MCTP1: variants seen among roughly 807,000 people sequenced by gnomAD.
The protein encoded by MCTP1 is multiple C2 and transmembrane domain containing 1.
MCTP1 carries 69 observed loss-of-function variants against 120.6 expected under a neutral mutation model. That is an observed-to-expected ratio of 0.57 (90% confidence interval 0.47 to 0.70). The LOEUF (loss-of-function observed/expected upper bound fraction) is 0.70. Among genes scored for constraint, MCTP1 ranks in the 30% least tolerant of loss-of-function variants. The pLI, the probability that MCTP1 is intolerant of heterozygous loss-of-function variation, is 0.00. For missense variants in MCTP1, 1,203 were observed against 1,248.8 expected (o/e 0.96, Z 0.55); for synonymous variants, 529 against 493.1 (o/e 1.07, Z -0.96).
At chr5:94,856,912 G>C (rs1794821946) in intron 17 of MCTP1, among the ~76,000 whole-genome samples, 1 of 151,552 alleles carries the variant, frequency 6.6e-6, no homozygotes, top group African/African-American at 2.4e-5. Flanking sequence ...AATATAACTA[G>C]TCCCTTAAAA....
chr5:95,162,073 T>C (rs1745802340), intron 1 of MCTP1, among the ~76,000 whole-genome samples: 1 of 152,148 alleles, frequency 6.6e-6, no homozygotes, highest in South Asian at 2.1e-4. Flanking sequence ...CATCAGTATG[T>C]AGGTAATTTG....
intron 2 of MCTP1, among the ~76,000 whole-genome samples, chr5:94,983,653 GTCT>G (rs1829903423): frequency 2.3e-5 from 2 of 87,462 alleles, no homozygotes; most frequent in Admixed American, 1.4e-4. Context: ...CTGTCTGTCT[GTCT>G]GTCTGTCTGT....
chr5:95,167,669 G>A (rs891116995), intron 1 of MCTP1, among the ~76,000 whole-genome samples: 1 of 152,190 alleles, frequency 6.6e-6, no homozygotes, highest in African/African-American at 2.4e-5. Context: ...GTGATGATGA[G>A]CATTTTTTCA....
intron 2 of MCTP1, among the ~76,000 whole-genome samples, chr5:95,005,391 G>C (rs1376094694): frequency 6.7e-6 from 1 of 149,412 alleles, no homozygotes; most frequent in Non-Finnish European, 1.5e-5. Context: ...AGACATGATT[G>C]TGTTTTAAAA....
At position 95,269,731 on chromosome 5, in the gene MCTP1, C is replaced by A. The variant is rs190362630; in HGVS notation, c.720+14125G>T. On this transcript the variant is annotated intron_variant, in intron 1 of 22. Coordinates refer to ENST00000515393, the MANE Select transcript of MCTP1 (RefSeq NM_024717.7). ...AGCCTGGAAATTATGGCCTTGGTAG[C>A]AATCAGATGTCTGTCAATATCTAGC... 6.1e-4 allele frequency among the ~76,000 whole-genome samples: 93 copies of A among 152,310 alleles called. 1 individual carries two copies. Among genetic ancestry groups the A allele is most frequent in the African/African-American group, 2.2e-3 (91 of 41,552 alleles).
intron 1 of MCTP1, among the ~76,000 whole-genome samples, chr5:95,173,390 GA>G (rs1310238231): frequency 2.0e-5 from 3 of 151,838 alleles, no homozygotes; most frequent in South Asian, 4.2e-4. Flanking sequence ...ATCATAACCA[GA>G]AAAAAAATTT....
chr5:94,704,612 A>G lies in MCTP1; in HGVS notation c.*2884T>C, dbSNP rs1203398426. On this transcript the variant is annotated 3_prime_UTR_variant, in exon 23 of 23. Coordinates refer to ENST00000515393, the MANE Select transcript of MCTP1 (RefSeq NM_024717.7). ...AAAAGATAATTTTAGAAATGTATCAATTAAATTTGGCTCTCACTGTACTTC... is the reference window on the plus strand; with the variant it reads ...AAAAGATAATTTTAGAAATGTATCAGTTAAATTTGGCTCTCACTGTACTTC... The G allele has an allele frequency of 5.4e-5, 8 of 149,278 alleles. No homozygotes were observed. The highest frequency in any genetic ancestry group is 1.8e-4 in the African/African-American group (7 of 39,372). 9.2% of individuals were successfully genotyped at this position (149,278 alleles called of 1,614,324 possible). A position where few individuals can be genotyped will look rare whatever the true frequency, so the allele number is the denominator to read the frequency against.
intron 3 of MCTP1, among the ~76,000 whole-genome samples, chr5:94,944,274 T>C (rs909452141): frequency 1.3e-5 from 2 of 152,120 alleles, no homozygotes; most frequent in Non-Finnish European, 2.9e-5. Context: ...GCACTTATTG[T>C]AGAAAGCTCA....
At chr5:94,893,764 TA>T (rs35543763) in intron 11 of MCTP1, among the ~76,000 whole-genome samples, 24 of 151,502 alleles carry the variant, frequency 1.6e-4, no homozygotes, top group African/African-American at 4.4e-4. Context: ...TTTTAAAGTC[TA>T]AAAAAAAAGT....
intron 1 of MCTP1, among the ~76,000 whole-genome samples, chr5:95,255,161 G>A (rs1304577329): frequency 6.6e-6 from 1 of 152,154 alleles, no homozygotes; most frequent in Non-Finnish European, 1.5e-5. Flanking sequence ...TTATGGGTTA[G>A]AAGCTCTTGT....
intron 12 of MCTP1, among the ~76,000 whole-genome samples, chr5:94,888,058 C>G (rs892946212): frequency 4.2e-5 from 2 of 47,230 alleles, no homozygotes; most frequent in African/African-American, 1.8e-4. Flanking sequence ...CTTTCAGAAA[C>G]AGTGAAATTT....
In MCTP1 at chr5:95,003,067, A is replaced by G. The variant is rs562384721; in HGVS notation, c.838+14300T>C. Among the ~76,000 whole-genome samples, 7 of 152,132 alleles carry G rather than the reference A, an allele frequency of 4.6e-5. No individual in the cohort carries two copies. The East Asian group carries it at 1.4e-3, about 29-fold the overall frequency. Reference sequence around the variant, plus strand: ...TCTGACATTTCCCCTGCTGGCATTCATTTTCTCGCCTGCCATCCTGTGAAG... The same window carrying G: ...TCTGACATTTCCCCTGCTGGCATTCGTTTTCTCGCCTGCCATCCTGTGAAG... On this transcript the variant is annotated intron_variant, in intron 2 of 22. Coordinates refer to ENST00000515393, the MANE Select transcript of MCTP1 (RefSeq NM_024717.7).
intron 6 of MCTP1, among the ~76,000 whole-genome samples, chr5:94,925,701 G>A (rs1053160532): frequency 3.3e-5 from 5 of 152,274 alleles, no homozygotes; most frequent in African/African-American, 9.6e-5. Context: ...GAGCCACTGC[G>A]CCCGGCCAAA....
chr5:94,779,616 G>A (rs984338216), intron 18 of MCTP1, among the ~76,000 whole-genome samples: 4 of 152,080 alleles, frequency 2.6e-5, no homozygotes, highest in African/African-American at 9.7e-5. Flanking sequence ...CATGCTGGTG[G>A]TCTATGGCAT....
chr5:94,951,904 G>T (rs1475979132), intron 3 of MCTP1, among the ~76,000 whole-genome samples: 1 of 152,116 alleles, frequency 6.6e-6, no homozygotes, highest in Non-Finnish European at 1.5e-5. Context: ...GGGCACGGTG[G>T]CTCATGCCTA....
intron 4 of MCTP1, among the ~76,000 whole-genome samples, chr5:94,940,584 A>ATG (rs1561893156): frequency 1.6e-4 from 19 of 118,580 alleles, no homozygotes; most frequent in Non-Finnish European, 2.1e-4. Context: ...ATACATATAT[A>ATG]TGTATATATA....
At chr5:94,748,585 AG>A (rs1239328190) in intron 19 of MCTP1, among the ~76,000 whole-genome samples, 2 of 152,234 alleles carry the variant, frequency 1.3e-5, no homozygotes, top group Non-Finnish European at 2.9e-5. Context: ...CTGTGGGGCA[AG>A]TTTTTATTCT....
intron 19 of MCTP1, among the ~76,000 whole-genome samples, chr5:94,776,920 A>T (rs1399440364): frequency 6.6e-6 from 1 of 152,198 alleles, no homozygotes; most frequent in African/African-American, 2.4e-5. Context: ...CATTTCTTAT[A>T]GGAAAAACTA....
At chr5:94,921,905 T>A (rs953854890) in intron 7 of MCTP1, among the ~76,000 whole-genome samples, 3 of 152,210 alleles carry the variant, frequency 2.0e-5, no homozygotes, top group African/African-American at 7.2e-5. Context: ...GTATTTTTAT[T>A]CATCATAAAC....
Sources: gnomAD v4.1 joint callset for allele counts (sites outside exome capture counted in the v4.1 genomes callset) on GRCh38, gnomAD v4.1.1 for gene constraint, MANE v1.5 for transcripts, NCBI Gene and HGNC (gene_info 2026-07-23, HGNC 2026-07-21) for gene names.